The following UBL3 variants were observed in gnomAD, a reference collection of about 807,000 sequenced individuals.
UBL3 encodes ubiquitin like 3.
Under a neutral mutation model 18.4 loss-of-function variants are expected in UBL3, and 6 were observed. The observed-to-expected ratio is 0.33, with a 90% CI of 0.18 to 0.64. UBL3 has a LOEUF of 0.64. Among genes scored for constraint, UBL3 ranks in the 30% least tolerant of loss-of-function variants. The pLI, the probability that UBL3 is intolerant of heterozygous loss-of-function variation, is 0.76. For synonymous variants in UBL3, 49 were observed against 46.6 expected (o/e 1.05, Z -0.21); for missense variants, 109 against 142.9 (o/e 0.76, Z 1.21).
At chr13:29,812,358 G>A (rs2038190778) in intron 1 of UBL3, among the ~76,000 whole-genome samples, 1 of 151,988 alleles carries the variant, frequency 6.6e-6, no homozygotes, top group South Asian at 2.1e-4. Context: ...ATCACTTTAA[G>A]TATATGCAGC....
chr13:29,798,031 T>TA (rs976637788), intron 1 of UBL3, among the ~76,000 whole-genome samples: 12 of 148,732 alleles, frequency 8.1e-5, no homozygotes, highest in South Asian at 2.1e-4. Context: ...TAAATATATA[T>TA]TTTTTTTTTG....
chr13:29,843,650 T>G (rs1879160963), intron 1 of UBL3, among the ~76,000 whole-genome samples: 1 of 152,362 alleles, frequency 6.6e-6, no homozygotes, highest in East Asian at 1.9e-4. Context: ...TTCTTTTTCC[T>G]GACTGCAATA....
chr13:29,849,063 C>G (rs998988997), intron 1 of UBL3, among the ~76,000 whole-genome samples: 34 of 152,332 alleles, frequency 2.2e-4, no homozygotes, highest in African/African-American at 7.5e-4. Context: ...CATCCCTGTT[C>G]TTGAAAAATA....
At chr13:29,792,694 C>G (rs1877512528) in intron 1 of UBL3, among the ~76,000 whole-genome samples, 1 of 152,178 alleles carries the variant, frequency 6.6e-6, no homozygotes, top group South Asian at 2.1e-4. Flanking sequence ...CTCTGGAATA[C>G]TCATGAATTC....
intron 1 of UBL3, among the ~76,000 whole-genome samples, chr13:29,801,999 G>C (rs1006730824): frequency 6.6e-6 from 1 of 152,186 alleles, no homozygotes; most frequent in African/African-American, 2.4e-5. Flanking sequence ...GTGCAGCCTG[G>C]GAGTATGAAG....
intron 1 of UBL3, among the ~76,000 whole-genome samples, chr13:29,822,353 A>G (rs569129806): frequency 6.6e-6 from 1 of 152,342 alleles, no homozygotes; most frequent in South Asian, 2.1e-4. Context: ...TGACTGGAGG[A>G]GGGAACAGTT....
In UBL3 at chr13:29,850,027, T is replaced by A; in HGVS notation, c.-489A>T. 6.5e-6 allele frequency: 1 copy of A among 154,790 alleles called. No individual in the cohort carries two copies. Among genetic ancestry groups the A allele is most frequent in the Non-Finnish European group, 1.4e-5 (1 of 69,510 alleles). The allele number at this position is 154,790 out of a possible 1,614,324, so 9.6% of individuals were successfully genotyped here. On this transcript the variant is annotated 5_prime_UTR_variant, in exon 1 of 5. Transcript: ENST00000380680. Reference sequence around the variant, plus strand: ...TAGCTACACATCGACGCGTGAGCCTTGAGTGGCGGCCGAGCGGTGGCCGGA... The same window carrying A: ...TAGCTACACATCGACGCGTGAGCCTAGAGTGGCGGCCGAGCGGTGGCCGGA...
intron 2 of UBL3, among the ~76,000 whole-genome samples, chr13:29,776,113 G>T (rs1407230857): frequency 6.6e-6 from 1 of 151,718 alleles, no homozygotes; most frequent in Non-Finnish European, 1.5e-5. Flanking sequence ...TTTTAAATAG[G>T]CTATCTAGAG....
chr13:29,775,485 C>T (rs548957661), intron 2 of UBL3, among the ~76,000 whole-genome samples: 42 of 152,190 alleles, frequency 2.8e-4, no homozygotes, highest in Non-Finnish European at 5.0e-4. Context: ...TTTAAAAGTT[C>T]AAATTGCTAC....
At chr13:29,826,835 T>C (rs1025426475) in intron 1 of UBL3, among the ~76,000 whole-genome samples, 1 of 152,238 alleles carries the variant, frequency 6.6e-6, no homozygotes, top group Non-Finnish European at 1.5e-5. Flanking sequence ...GCTATATATT[T>C]CCCTCTACAC....
intron 1 of UBL3, among the ~76,000 whole-genome samples, chr13:29,833,149 ATG>A (rs1878825032): frequency 6.6e-6 from 1 of 152,328 alleles, no homozygotes; most frequent in Admixed American, 6.5e-5. Flanking sequence ...CTGGATTAGC[ATG>A]TGAGTGATAG....
At position 29,835,753 on chromosome 13, in the gene UBL3, C is replaced by CAA. The variant is rs34271187; in HGVS notation, c.27+13757_27+13758dup. ...CTGGCAACAGAGCTAGACGCTGTCT[C>CAA]AAAAAAAAAAAAAAAAAAAAAAAAA... On this transcript the variant is annotated intron_variant, in intron 1 of 4. Transcript: ENST00000380680. 3.4e-3 allele frequency among the ~76,000 whole-genome samples: 125 copies of CAA among 37,030 alleles called. 11 individuals carry two copies. The highest frequency in any genetic ancestry group is 0.024 in the East Asian group (29 of 1,208). The allele number at this position is 37,030 out of a possible 152,430, so 24.3% of individuals were successfully genotyped here.
chr13:29,777,754 G>A (rs114478629), intron 1 of UBL3, among the ~76,000 whole-genome samples: 1,612 of 151,942 alleles, frequency 0.011, 31 homozygotes, highest in African/African-American at 0.037. Flanking sequence ...AAACCTAGAC[G>A]AATTAACAAT....
chr13:29,801,649 G>T (rs989508110), intron 1 of UBL3, among the ~76,000 whole-genome samples: 1 of 152,134 alleles, frequency 6.6e-6, no homozygotes, highest in Non-Finnish European at 1.5e-5. Context: ...TACTGCCCTT[G>T]TTGCCCTCGG....
chr13:29,834,665 T>A (rs1380881884), intron 1 of UBL3, among the ~76,000 whole-genome samples: 1 of 152,160 alleles, frequency 6.6e-6, no homozygotes. Context: ...AAAAATTAAA[T>A]GTTAAGCAAA....
chr13:29,787,535 A>G (rs1208782424), intron 1 of UBL3, among the ~76,000 whole-genome samples: 2 of 152,190 alleles, frequency 1.3e-5, no homozygotes, highest in African/African-American at 2.4e-5. Context: ...AAGCTTACAG[A>G]ACATATTGAT....
chr13:29,817,987 T>C (rs746783663), intron 1 of UBL3, among the ~76,000 whole-genome samples: 62 of 152,226 alleles, frequency 4.1e-4, no homozygotes, highest in Non-Finnish European at 8.1e-4. Flanking sequence ...AAATCTGACA[T>C]AGCTCCTAGT....
chr13:29,848,185 T>C (rs1879274821), intron 1 of UBL3, among the ~76,000 whole-genome samples: 1 of 150,198 alleles, frequency 6.7e-6, no homozygotes, highest in African/African-American at 2.5e-5. Context: ...GGCTCACGCC[T>C]GTAATCCCAG....
chr13:29,800,128 GAT>G (rs747677363), intron 1 of UBL3, among the ~76,000 whole-genome samples: 85 of 152,278 alleles, frequency 5.6e-4, no homozygotes, highest in South Asian at 1.2e-3. Context: ...TTATATTCAT[GAT>G]TATTTAAGTT....
Sources: gnomAD v4.1 joint callset for allele counts (sites outside exome capture counted in the v4.1 genomes callset) on GRCh38, gnomAD v4.1.1 for gene constraint, MANE v1.5 for transcripts, NCBI Gene and HGNC (gene_info 2026-07-23, HGNC 2026-07-21) for gene names.